The following PACSIN2 variants were observed in gnomAD, a reference collection of about 807,000 sequenced individuals.
PACSIN2 encodes protein kinase C and casein kinase substrate in neurons 2.
A neutral mutation model predicts 63.8 loss-of-function variants in PACSIN2; 25 were observed. The observed-to-expected ratio is 0.39, with a 90% CI of 0.29 to 0.55. The LOEUF (loss-of-function observed/expected upper bound fraction) is 0.55, where lower values mean the gene tolerates loss of function less well. Ranked by LOEUF, PACSIN2 falls within the 20% of genes least tolerant of loss-of-function variation. The probability of loss-of-function intolerance (pLI) is 0.62; values close to 1 mark genes in which losing one functional copy is unlikely to be tolerated. For synonymous variants in PACSIN2, 255 were observed against 256.2 expected (o/e 1.00, Z 0.05); for missense variants, 518 against 646.9 (o/e 0.80, Z 2.16).
At chr22:42,927,895 T>C (rs1017901193) in intron 1 of PACSIN2, among the ~76,000 whole-genome samples, 1 of 152,190 alleles carries the variant, frequency 6.6e-6, no homozygotes. Flanking sequence ...CCTCAGTCAT[T>C]TTTAATGGCT....
At chr22:42,981,566 T>C (rs1267906169) in intron 1 of PACSIN2, among the ~76,000 whole-genome samples, 1 of 84,478 alleles carries the variant, frequency 1.2e-5, no homozygotes. Flanking sequence ...GTCCGGGAGG[T>C]GAGGGGCGCC....
intron 1 of PACSIN2, among the ~76,000 whole-genome samples, chr22:43,003,782 T>C (rs1389871803): frequency 6.6e-6 from 1 of 152,190 alleles, no homozygotes; most frequent in Non-Finnish European, 1.5e-5. Context: ...AGATGCCTTT[T>C]AAAATGCATC....
chr22:42,892,555 G>A (rs1929988037), intron 3 of PACSIN2, among the ~76,000 whole-genome samples: 1 of 152,178 alleles, frequency 6.6e-6, no homozygotes, highest in Non-Finnish European at 1.5e-5. Context: ...TGCAGCAGGT[G>A]GAAACGAAAT....
chr22:42,904,724 C>A (rs538519401), intron 2 of PACSIN2, among the ~76,000 whole-genome samples: 5 of 150,542 alleles, frequency 3.3e-5, no homozygotes, highest in Non-Finnish European at 7.4e-5. Context: ...ACAGCCCCCC[C>A]ATACTGCACT....
chr22:43,004,978 T>G (rs970277009), intron 1 of PACSIN2, among the ~76,000 whole-genome samples: 1 of 152,268 alleles, frequency 6.6e-6, no homozygotes, highest in Non-Finnish European at 1.5e-5. Context: ...GAAAGCTTCT[T>G]GGTAAAATGC....
At chr22:42,944,928 T>C (rs1163846929) in intron 1 of PACSIN2, among the ~76,000 whole-genome samples, 1 of 152,090 alleles carries the variant, frequency 6.6e-6, no homozygotes, top group African/African-American at 2.4e-5. Context: ...TGAAACCCTA[T>C]GTCTACTAAA....
chr22:42,950,815 C>T (rs1933656903), intron 1 of PACSIN2, among the ~76,000 whole-genome samples: 1 of 152,194 alleles, frequency 6.6e-6, no homozygotes, highest in Non-Finnish European at 1.5e-5. Flanking sequence ...GTATGCCAGG[C>T]ACCTCGCTGG....
chr22:42,989,370 T>C (rs1055234047), intron 1 of PACSIN2, among the ~76,000 whole-genome samples: 5 of 151,162 alleles, frequency 3.3e-5, no homozygotes, highest in African/African-American at 1.2e-4. Flanking sequence ...TGGTGGTGGA[T>C]GCCTGTAATC....
chr22:42,889,373 T>TACACACAC (rs58408551), intron 4 of PACSIN2, among the ~76,000 whole-genome samples: 143 of 122,548 alleles, frequency 1.2e-3, no homozygotes, highest in African/African-American at 3.6e-3. Context: ...TAATGGTTTT[T>TACACACAC]ACACACACAC....
chr22:42,883,880 T>G (rs1929266425), intron 6 of PACSIN2, among the ~76,000 whole-genome samples: 1 of 152,246 alleles, frequency 6.6e-6, no homozygotes, highest in East Asian at 1.9e-4. Flanking sequence ...GGCGCATGCC[T>G]GTAATCCCAG....
chr22:43,013,044 G>A (rs749996141), intron 1 of PACSIN2, among the ~76,000 whole-genome samples: 5 of 151,974 alleles, frequency 3.3e-5, no homozygotes, highest in Admixed American at 6.6e-5. Context: ...TGCCCGCCTC[G>A]GCCTTCCCAA....
intron 2 of PACSIN2, among the ~76,000 whole-genome samples, chr22:42,897,083 C>T (rs769191346): frequency 7.2e-5 from 11 of 151,900 alleles, no homozygotes; most frequent in Non-Finnish European, 1.3e-4. Context: ...ACTACAGGTA[C>T]GCACCACCAC....
At chr22:42,986,701 C>A (rs374460272) in intron 1 of PACSIN2, among the ~76,000 whole-genome samples, 1 of 152,260 alleles carries the variant, frequency 6.6e-6, no homozygotes, top group South Asian at 2.1e-4. Flanking sequence ...TGAGAGGGGG[C>A]TTTTGTGCTA....
chr22:42,980,661 T>A (rs1352693301), intron 1 of PACSIN2, among the ~76,000 whole-genome samples: 5 of 115,050 alleles, frequency 4.3e-5, no homozygotes, highest in Non-Finnish European at 7.3e-5. Context: ...TGGTTTTCGT[T>A]TTTTTTTGGT....
chr22:42,984,780 A>C lies in PACSIN2; in HGVS notation c.-78+30241T>G, dbSNP rs1922490399. Among the ~76,000 whole-genome samples, 4 of 152,284 alleles carry C rather than the reference A, an allele frequency of 2.6e-5. No homozygotes were observed. In the South Asian group the frequency reaches 8.3e-4, roughly 32 times the overall value. ...TCTTAACACAAGGAGGGCAGAAAAC[A>C]TCCCCAAGACTAAGAGCACAGGTCT... On this transcript the variant is annotated intron_variant, in intron 1 of 10. Coordinates refer to ENST00000263246, the MANE Select transcript of PACSIN2 (RefSeq NM_001184970.3).
In PACSIN2 at chr22:42,871,606, A is replaced by G; in HGVS notation, c.1349-137T>C. 1 of 690,734 alleles carries G rather than the reference A, an allele frequency of 1.4e-6. No homozygotes were observed. The highest frequency in any genetic ancestry group is 1.6e-5 in the South Asian group (1 of 62,638). 42.8% of individuals were successfully genotyped at this position (690,734 alleles called of 1,614,324 possible). On this transcript the variant is annotated intron_variant, in intron 10 of 10. Coordinates refer to ENST00000263246, the MANE Select transcript of PACSIN2 (RefSeq NM_001184970.3). The surrounding 1 kb of genome is among the most constrained non-coding windows in gnomAD (Gnocchi z 5.4). ...TGGCGGGCAGGCCGAGGGCCTGGTC[A>G]TTTCTCTACTAAATGCATGCATTTT...
intron 1 of PACSIN2, among the ~76,000 whole-genome samples, chr22:42,982,879 A>AAAAAAC (rs1922296630): frequency 1.5e-5 from 2 of 133,122 alleles, no homozygotes; most frequent in South Asian, 5.0e-4. Flanking sequence ...TAAAAAAAAA[A>AAAAAAC]AAAAAAAAAA....
At chr22:42,981,374 C>T (rs1461446332) in intron 1 of PACSIN2, among the ~76,000 whole-genome samples, 1 of 142,048 alleles carries the variant, frequency 7.0e-6, no homozygotes, top group African/African-American at 2.7e-5. Context: ...GCCCCCCGCC[C>T]GACCAGCCGC....
chr22:42,921,585 A>C (rs1376360448), intron 1 of PACSIN2, among the ~76,000 whole-genome samples: 2 of 152,154 alleles, frequency 1.3e-5, no homozygotes, highest in East Asian at 1.9e-4. Flanking sequence ...CAAATACTTG[A>C]GGGAACAAGA....
Sources: gnomAD v4.1 joint callset for allele counts (sites outside exome capture counted in the v4.1 genomes callset) on GRCh38, gnomAD v4.1.1 for gene constraint, Gnocchi (gnomAD v3.1) non-coding constraint, MANE v1.5 for transcripts, NCBI Gene and HGNC (gene_info 2026-07-23, HGNC 2026-07-21) for gene names.